The following SECISBP2 variants were observed in gnomAD, a reference collection of about 807,000 sequenced individuals.
The protein encoded by SECISBP2 is selenocysteine insertion sequence-binding protein 2.
SECISBP2 carries 96 observed loss-of-function variants against 98.2 expected under a neutral mutation model. That is an observed-to-expected ratio of 0.98 (90% CI 0.83 to 1.16). The LOEUF is 1.16. SECISBP2 is among the 50% of genes most tolerant of loss of function. SECISBP2 has a pLI of 0.00. For synonymous variants in SECISBP2, 407 were observed against 370.2 expected, an observed-to-expected ratio of 1.10 and a Z score of -1.14; for missense variants, 1,046 against 1,022.9, an observed-to-expected ratio of 1.02 and a Z score of -0.31.
chr9:89,358,720 G>C lies in SECISBP2; in HGVS notation c.2462-1G>C. On this transcript the variant is annotated splice_acceptor_variant, in intron 16 of 16. Coordinates refer to ENST00000375807, the MANE Select transcript of SECISBP2 (RefSeq NM_024077.5). LOFTEE classifies it high-confidence loss of function. ...TCACTCGTGCTGTTTTCTCATTTTAGTTGAAATCTGGAAAAAACATCTGGA... is the reference window on the plus strand; with the variant it reads ...TCACTCGTGCTGTTTTCTCATTTTACTTGAAATCTGGAAAAAACATCTGGA... The C allele has an allele frequency of 6.2e-7, 1 of 1,605,634 alleles. No homozygotes were observed. Among genetic ancestry groups the C allele is most frequent in the Non-Finnish European group, 8.5e-7 (1 of 1,172,464 alleles).
In SECISBP2 at chr9:89,354,721, G is replaced by A. The variant is rs368631894; in HGVS notation, c.2114-2690G>A. On this transcript the variant is annotated intron_variant, in intron 14 of 16. Transcript: ENST00000375807. ...AAGGGCCAACCTGACAGGCAGCCTC[G>A]AGAGGACAGCAGCCAAGCCTGCTCT... 245 of 972,772 alleles carry A rather than the reference G, an allele frequency of 2.5e-4. 1 individual carries two copies. The South Asian group carries it at 9.4e-3, about 37-fold the overall frequency. 60.3% of individuals were successfully genotyped at this position (972,772 alleles called of 1,614,324 possible).
At chr9:89,352,026 G>T (rs1416911219) in intron 14 of SECISBP2, among the ~76,000 whole-genome samples, 2 of 152,204 alleles carry the variant, frequency 1.3e-5, no homozygotes, top group African/African-American at 4.8e-5. Context: ...ATATCTCCAT[G>T]TAAGAGGCTT....
intron 6 of SECISBP2, 63 bp from the exon 7 acceptor site, chr9:89,334,459 G>C (rs1403059338): frequency 1.0e-5 from 14 of 1,363,764 alleles, no homozygotes; most frequent in Admixed American, 1.7e-5. Flanking sequence ...GCATGTTTGA[G>C]TAACTAAGGA....
intron 5 of SECISBP2, 70 bp from the exon 6 acceptor site, chr9:89,332,838 T>C: frequency 1.6e-6 from 2 of 1,220,376 alleles, no homozygotes; most frequent in Non-Finnish European, 2.4e-6. Context: ...TTCTGGATTT[T>C]GATATGTAGT....
intron 2 of SECISBP2, chr9:89,323,236 A>G (rs1490559707): frequency 6.6e-6 from 1 of 152,244 alleles, no homozygotes; most frequent in East Asian, 1.9e-4. Context: ...TGAAATAGTA[A>G]GTGGAAATGA....
intron 5 of SECISBP2, 40 bp from the exon 6 acceptor site, chr9:89,332,868 T>G (rs1215414066): frequency 2.2e-5 from 33 of 1,494,048 alleles, no homozygotes; most frequent in South Asian, 2.0e-4. Context: ...TTGTTTTAAT[T>G]TGCATTTCTC....
At chr9:89,362,269 CTGTGTTCA>C (rs1832816248), downstream of SECISBP2, 2 of 1,500,616 alleles carry the variant, frequency 1.3e-6, no homozygotes, top group Non-Finnish European at 1.8e-6. Flanking sequence ...GGCCCAATGG[CTGTGTTCA>C]GAGCAGGCTT....
intron 6 of SECISBP2, 64 bp from the exon 7 acceptor site, chr9:89,334,458 A>C (rs1370818996): frequency 3.0e-6 from 4 of 1,337,466 alleles, no homozygotes; most frequent in Non-Finnish European, 4.3e-6. Flanking sequence ...TGCATGTTTG[A>C]GTAACTAAGG....
chr9:89,362,397 GGTGGCTACA>G (rs760149170), downstream of SECISBP2: 2 of 1,614,068 alleles, frequency 1.2e-6, no homozygotes, highest in Non-Finnish European at 1.7e-6. Context: ...ACTCCTTCCT[GGTGGCTACA>G]GGGTGTCCTT....
chr9:89,325,915 A>G lies in SECISBP2; in HGVS notation c.451A>G (p.Lys151Glu). 6.2e-7 allele frequency: 1 copy of G among 1,613,990 alleles called. No homozygotes were observed. The highest frequency in any genetic ancestry group is 8.5e-7 in the Non-Finnish European group (1 of 1,179,990). ...CCTGCAGAAGAAAACCTATGATGAG[A>G]AAAAAACGTATGATCAGCAAAAGTT... ...ALFKKKTYDE[K>E]KTYDQQKFDS... The change falls in exon 4 of 17, where the codon AAA becomes GAA. Residue 151 changes from lysine (K) to glutamate (E), a missense_variant. By Grantham distance (56) the Lys-to-Glu change is moderately conservative. Transcript: ENST00000375807.
chr9:89,329,093 G>GT, intron 5 of SECISBP2: 1 of 581,022 alleles, frequency 1.7e-6, no homozygotes, highest in Non-Finnish European at 3.0e-6. Flanking sequence ...TGCAGCTATT[G>GT]TTTTATTTGT....
intron 8 of SECISBP2, among the ~76,000 whole-genome samples, chr9:89,339,447 A>G (rs1309846837): frequency 6.6e-6 from 1 of 152,258 alleles, no homozygotes; most frequent in African/African-American, 2.4e-5. Flanking sequence ...TGATTAAAAA[A>G]TGGTTTTTTA....
rs1002903391 is a variant in SECISBP2 at position 89,348,142 on chromosome 9, T to G, written c.1666T>G (p.Phe556Val). ...RLQENAVSPAFTSDDTQDGES... is the reference protein window; with the variant it reads ...RLQENAVSPAVTSDDTQDGES... ...CCAAGAAAATGCTGTGAGTCCAGCT[T>G]TTACCAGTGATGACACACAAGATGG... The change falls in exon 12 of 17, where the codon TTT becomes GTT. Residue 556 changes from phenylalanine (F) to valine (V), a missense_variant. By Grantham distance (50) the Phe-to-Val change is conservative (BLOSUM62 -1). Transcript: ENST00000375807. The G allele has an allele frequency of 5.0e-6, 8 of 1,614,008 alleles. No individual in the cohort carries two copies. The African/African-American group carries it at 1.1e-4, about 22-fold the overall frequency.
Position 89,319,767 on chromosome 9 carries a change from A to T in SECISBP2, c.152A>T (p.Tyr51Phe). Residue 51 changes from tyrosine (Y) to phenylalanine (F), a missense_variant, in exon 2 of 17, where the codon TAT (tyrosine) becomes TTT (phenylalanine). Transcript: ENST00000375807. ...TTCCCCAGCTCTGCAGCCACATACTATCCGTTTGTTCAGGAACCACCAGTG... is the reference window on the plus strand; with the variant it reads ...TTCCCCAGCTCTGCAGCCACATACTTTCCGTTTGTTCAGGAACCACCAGTG... ...CVFPSSAATY[Y>F]PFVQEPPVTE... 2 of 1,614,142 alleles carry T rather than the reference A, an allele frequency of 1.2e-6. No individual in the cohort carries two copies. Among genetic ancestry groups the T allele is most frequent in the South Asian group, 1.1e-5 (1 of 91,088 alleles).
At chr9:89,341,716 T>G (rs1395735640) in intron 10 of SECISBP2, among the ~76,000 whole-genome samples, 2 of 152,212 alleles carry the variant, frequency 1.3e-5, no homozygotes, top group African/African-American at 2.4e-5. Flanking sequence ...AAGAACAGTC[T>G]CTTTAAAATG....
In SECISBP2 at chr9:89,319,668, C is replaced by G. The variant is rs1449904906; in HGVS notation, c.53C>G (p.Ala18Gly). 3 of 1,614,054 alleles carry G rather than the reference C, an allele frequency of 1.9e-6. No homozygotes were observed. Among genetic ancestry groups the G allele is most frequent in the Non-Finnish European group, 2.5e-6 (3 of 1,180,034 alleles). Residue 18 changes from alanine (A) to glycine (G), a missense_variant, in exon 2 of 17, where the codon GCA becomes GGA. Physicochemically the swap from Ala to Gly is moderately conservative, Grantham distance 60. Transcript: ENST00000375807. ...EPESEGIKLS[A>G]DVKPFVPRFA... is the part of the protein sequence containing the mutation. ...TTTCCTCAGGGCATCAAGTTATCAGCAGATGTCAAACCATTTGTCCCCAGA... is the reference window on the plus strand; with the variant it reads ...TTTCCTCAGGGCATCAAGTTATCAGGAGATGTCAAACCATTTGTCCCCAGA...
At chr9:89,333,656 C>T (rs958555624) in intron 6 of SECISBP2, among the ~76,000 whole-genome samples, 4 of 152,176 alleles carry the variant, frequency 2.6e-5, no homozygotes, top group African/African-American at 9.7e-5. Flanking sequence ...ACTCCATAGA[C>T]ACCTGCAAGG....
intron 9 of SECISBP2, 79 bp from the exon 10 acceptor site, chr9:89,341,268 C>G (rs1829612564): frequency 7.4e-7 from 1 of 1,349,752 alleles, no homozygotes; most frequent in Non-Finnish European, 1.0e-6. Flanking sequence ...TTCATTTTAT[C>G]TTTACATCAG....
chr9:89,335,772 C>T (rs1018124434), intron 7 of SECISBP2, among the ~76,000 whole-genome samples: 3 of 152,256 alleles, frequency 2.0e-5, no homozygotes, highest in Admixed American at 6.5e-5. Context: ...GATAGCTTTC[C>T]TTTATGAGTG....
Sources: allele counts gnomAD v4.1 joint callset (sites outside exome capture counted in the v4.1 genomes callset), GRCh38; gene constraint gnomAD v4.1.1; transcripts MANE v1.5; gene names NCBI Gene and HGNC (gene_info 2026-07-23, HGNC 2026-07-21).